SCARB2: variants seen among roughly 807,000 people sequenced by gnomAD.
SCARB2 encodes the protein lysosome membrane protein 2.
A neutral mutation model predicts 58.6 loss-of-function variants in SCARB2; 29 were observed. The observed-to-expected ratio is 0.49, with a 90% CI of 0.37 to 0.67. SCARB2 has a LOEUF of 0.67. SCARB2 is among the 30% of genes least tolerant of loss of function. SCARB2 has a pLI of 0.00. For missense variants in SCARB2, 488 were observed against 578.5 expected, an observed-to-expected ratio of 0.84 and a Z score of 1.60; for synonymous variants, 195 against 210.1, an observed-to-expected ratio of 0.93 and a Z score of 0.62.
chr4:76,192,565 G>T (rs1732628090), intron 2 of SCARB2: 1 of 152,260 alleles, frequency 6.6e-6, no homozygotes, highest in East Asian at 1.9e-4. Flanking sequence ...CTTAAAGTTG[G>T]ACCTTATTTT....
upstream of SCARB2, among the ~76,000 whole-genome samples, chr4:76,217,900 C>T (rs762485194): frequency 1.3e-5 from 2 of 152,162 alleles, no homozygotes; most frequent in South Asian, 2.1e-4. Flanking sequence ...TAAGGGCTAT[C>T]GAGGGGAAGC....
chr4:76,220,487 C>A (rs769222982), intron 1 of SCARB2, among the ~76,000 whole-genome samples: 1 of 152,066 alleles, frequency 6.6e-6, no homozygotes, highest in Non-Finnish European at 1.5e-5. Flanking sequence ...ATTAGATGGG[C>A]ACGGTGGCAT....
intron 1 of SCARB2, among the ~76,000 whole-genome samples, chr4:76,219,855 G>C (rs745327880): frequency 2.0e-4 from 30 of 152,164 alleles, no homozygotes; most frequent in Non-Finnish European, 4.1e-4. Context: ...CTGAGAGTCT[G>C]AAATGATTAC....
chr4:76,184,103 TATTTA>T (rs1305303745), intron 2 of SCARB2, among the ~76,000 whole-genome samples: 1 of 152,222 alleles, frequency 6.6e-6, no homozygotes, highest in Non-Finnish European at 1.5e-5. Context: ...TATTTTATTT[TATTTA>T]ATCCTTACAA....
At chr4:76,193,134 G>A (rs904584914) in intron 2 of SCARB2, 2 of 152,412 alleles carry the variant, frequency 1.3e-5, no homozygotes, top group Admixed American at 1.3e-4. Context: ...GGCTCAAAGG[G>A]GCTCAGGTAC....
intron 4 of SCARB2, among the ~76,000 whole-genome samples, chr4:76,177,339 TAAA>T (rs1208141818): frequency 7.3e-6 from 1 of 137,146 alleles, no homozygotes; most frequent in Non-Finnish European, 1.6e-5. Context: ...GGAGGGCAAT[TAAA>T]AAAAAAAAAA....
At chr4:76,201,321 G>C (rs1732824106) in intron 1 of SCARB2, among the ~76,000 whole-genome samples, 8 of 152,124 alleles carry the variant, frequency 5.3e-5, no homozygotes, top group Admixed American at 5.2e-4. Flanking sequence ...AACTTCACAA[G>C]TTTTATAAGG....
At chr4:76,188,211 T>C (rs1732527642) in intron 2 of SCARB2, among the ~76,000 whole-genome samples, 1 of 152,206 alleles carries the variant, frequency 6.6e-6, no homozygotes, top group African/African-American at 2.4e-5. Context: ...GCAGAAGCCA[T>C]GGGATACCAC....
intron 2 of SCARB2, chr4:76,184,592 G>A (rs914864740): frequency 2.8e-5 from 5 of 177,574 alleles, no homozygotes; most frequent in African/African-American, 9.6e-5. Flanking sequence ...TCTGGCCTCT[G>A]AATCCTGAGC....
intron 4 of SCARB2, among the ~76,000 whole-genome samples, chr4:76,178,646 G>A (rs1732312065): frequency 6.6e-6 from 1 of 152,156 alleles, no homozygotes. Context: ...GTATTCCTCT[G>A]AGACAGGACC....
chr4:76,174,780 G>A (rs1404181517), intron 6 of SCARB2: 2 of 161,678 alleles, frequency 1.2e-5, no homozygotes, highest in Non-Finnish European at 2.7e-5. Context: ...TACTTTATTG[G>A]AATACACACT....
chr4:76,175,750 G>T (rs1441048403), intron 6 of SCARB2, 41 bp downstream of exon 6: 8 of 1,612,208 alleles, frequency 5.0e-6, no homozygotes, highest in South Asian at 1.1e-5. Context: ...TGCAGTGAAA[G>T]ACCTTATTTT....
intron 1 of SCARB2, among the ~76,000 whole-genome samples, chr4:76,204,896 TAAAAG>T (rs767810970): frequency 6.6e-6 from 1 of 152,190 alleles, no homozygotes; most frequent in Non-Finnish European, 1.5e-5. Flanking sequence ...AGTACAGTGT[TAAAAG>T]AAAATATCCT....
At chr4:76,207,227 G>A (rs545398149) in intron 1 of SCARB2, among the ~76,000 whole-genome samples, 4 of 152,272 alleles carry the variant, frequency 2.6e-5, no homozygotes, top group African/African-American at 9.6e-5. Flanking sequence ...GATATATAAT[G>A]ATGTCATATT....
At position 76,179,748 on chromosome 4, in the gene SCARB2, A is replaced by G. The variant is rs894248; in HGVS notation, c.424-43T>C. On this transcript the variant is annotated intron_variant, in intron 3 of 11. Coordinates refer to ENST00000264896, the MANE Select transcript of SCARB2 (RefSeq NM_005506.4). ...ATTAAGACAGCAGCATCCCCTCCAA[A>G]GCACCTCCATCCACTCTCTCCTACT... The G allele has an allele frequency of 0.081, 119,137 of 1,465,560 alleles. 6,822 individuals carry two copies. Among genetic ancestry groups the G allele is most frequent in the East Asian group, 0.23 (10,164 of 44,272 alleles). 90.8% of individuals were successfully genotyped at this position (1,465,560 alleles called of 1,614,324 possible). A position where few individuals can be genotyped will look rare whatever the true frequency, so the allele number is the denominator to read the frequency against.
intron 2 of SCARB2, among the ~76,000 whole-genome samples, chr4:76,187,621 T>C (rs753273367): frequency 6.6e-6 from 1 of 152,220 alleles, no homozygotes; most frequent in Non-Finnish European, 1.5e-5. Flanking sequence ...ATATTTTGTA[T>C]ATGTACATGC....
intron 1 of SCARB2, 78 bp from the exon 2 acceptor site, chr4:76,195,942 C>T (rs1364855085): frequency 6.3e-6 from 7 of 1,108,436 alleles, no homozygotes; most frequent in East Asian, 4.8e-5. Flanking sequence ...GAGGAAGGGA[C>T]GCCCCCTATT....
At chr4:76,206,238 T>C (rs1437400008) in intron 1 of SCARB2, among the ~76,000 whole-genome samples, 23 of 152,052 alleles carry the variant, frequency 1.5e-4, no homozygotes, top group Non-Finnish European at 5.9e-5. Context: ...CTGTAAGAAA[T>C]AAATTTCTGT....
intron 1 of SCARB2, among the ~76,000 whole-genome samples, chr4:76,220,303 T>C (rs1471645513): frequency 1.3e-5 from 2 of 152,136 alleles, no homozygotes; most frequent in African/African-American, 4.8e-5. Context: ...GTTATAGACA[T>C]ACAGTGGAAA....
Sources: allele counts gnomAD v4.1 joint callset (sites outside exome capture counted in the v4.1 genomes callset), GRCh38; gene constraint gnomAD v4.1.1; transcripts MANE v1.5; gene names NCBI Gene and HGNC (gene_info 2026-07-23, HGNC 2026-07-21).